Variants in MAN2B1 observed in about 807,000 individuals in gnomAD.
The protein encoded by MAN2B1 is mannosidase alpha class 2B member 1.
Under a neutral mutation model 127.5 loss-of-function variants are expected in MAN2B1, and 99 were observed. The observed-to-expected ratio is 0.78, with a 90% confidence interval of 0.66 to 0.92. The LOEUF is 0.92. MAN2B1 is among the 40% of genes least tolerant of loss of function. The pLI is 0.00. For missense variants in MAN2B1, 1,304 were observed against 1,384.8 expected (o/e 0.94, Z 0.93); for synonymous variants, 573 against 568.8 (o/e 1.01, Z -0.11).
intron 5 of MAN2B1, 107 bp from the exon 6 acceptor site, chr19:12,663,569 G>A: frequency 5.1e-6 from 8 of 1,558,706 alleles, no homozygotes; most frequent in Non-Finnish European, 7.0e-6. Context: ...GTGTCCCAAT[G>A]CAAAAGGAAA....
chr19:12,660,514 T>C (rs547939563), intron 7 of MAN2B1, among the ~76,000 whole-genome samples: 1 of 151,734 alleles, frequency 6.6e-6, no homozygotes, highest in Non-Finnish European at 1.5e-5. Flanking sequence ...AGTAAATAAA[T>C]AAAATGTGGA....
At chr19:12,665,294 A>G in intron 3 of MAN2B1, 58 bp downstream of exon 3, 15 of 1,585,788 alleles carry the variant, frequency 9.5e-6, no homozygotes, top group Non-Finnish European at 1.3e-5. Flanking sequence ...GAAACCAGAG[A>G]TGCAGAAGCA....
At chr19:12,650,347 C>T (rs1044405630) in intron 16 of MAN2B1, 125 bp from the exon 17 acceptor site, 31 of 679,528 alleles carry the variant, frequency 4.6e-5, no homozygotes, top group Admixed American at 2.6e-4. Context: ...TCAGTCACCG[C>T]CACATAATTC....
chr19:12,656,356 CAAAAAA>C, intron 13 of MAN2B1: 2 of 389,612 alleles, frequency 5.1e-6, no homozygotes, highest in South Asian at 2.7e-5. Flanking sequence ...GACTCCGTCT[CAAAAAA>C]AAAAAAAAAA....
Position 12,664,813 on chromosome 19 carries a change from C to A in MAN2B1, c.609G>T (p.Glu203Asp), listed in dbSNP as rs139290127. The change falls in exon 4 of 24, where the codon GAG (glutamate) becomes GAT (aspartate). Residue 203 changes from glutamate to aspartate, a missense_variant. Transcript: ENST00000456935. ...WHIDPFGHSR[E>D]QASLFAQMGF... ...GCACCTGCGCAAACAGCGAGGCCTG[C>A]TCCCGAGAGTGGCCGAAGGGGTCAA... 433 of 1,613,524 alleles carry A rather than the reference C, an allele frequency of 2.7e-4. 2 individuals carry two copies. The African/African-American group carries it at 5.2e-3, about 19-fold the overall frequency.
intron 13 of MAN2B1, 122 bp downstream of exon 13, chr19:12,656,449 G>C (rs142687027): frequency 9.8e-5 from 72 of 735,830 alleles, no homozygotes; most frequent in African/African-American, 2.7e-4. Flanking sequence ...GATACAAGAG[G>C]GGGGAAGAGA....
Position 12,661,363 on chromosome 19 carries a change from C to G in MAN2B1, c.923G>C (p.Arg308Pro), listed in dbSNP as rs766861806. The G allele has an allele frequency of 6.2e-7, 1 of 1,611,168 alleles. No individual in the cohort carries two copies. The highest frequency in any genetic ancestry group is 8.5e-7 in the Non-Finnish European group (1 of 1,177,394). ...CATGGTCATCACAGTGTGGTTGGTG[C>G]GGTAATACCGGCCCTGCAGGCAAGA... ...NVATAQGRYYRTNHTVMTMGS... is the reference protein window; with the variant it reads ...NVATAQGRYYPTNHTVMTMGS... The change falls in exon 7 of 24, where the codon CGC becomes CCC. Residue 308 changes from arginine (R) to proline (P), a missense_variant. Transcript: ENST00000456935.
At chr19:12,655,581 T>C (rs1322482791) in intron 14 of MAN2B1, 113 bp downstream of exon 14, 2 of 1,053,396 alleles carry the variant, frequency 1.9e-6, no homozygotes, top group African/African-American at 3.2e-5. Context: ...ATGAGGGGAG[T>C]TGTGACAGGA....
chr19:12,657,303 C>A, intron 11 of MAN2B1, 143 bp downstream of exon 11: 1 of 627,096 alleles, frequency 1.6e-6, no homozygotes, highest in Non-Finnish European at 2.8e-6. Context: ...CCGCCTCCTA[C>A]AAGCCCCGCC....
rs1376701673 is a variant in MAN2B1, at chr19:12,655,865, G to A, written c.1659C>T (p.Pro553=). The A allele has an allele frequency of 1.9e-6, 3 of 1,613,752 alleles. No individual in the cohort carries two copies. In the South Asian group the frequency reaches 3.3e-5, roughly 18 times the overall value. ...GAGGGTGCGCCTGGCTGTCTGAGCT[G>A]GGAAATATTACCACCTCGGATAAAG... is the stretch of plus-strand genomic sequence containing the variant. ...RTVPSDVVIF[P]SSDSQAHPPE... is the part of the protein sequence containing the mutation. Residue 553 remains proline (P), a synonymous_variant, in exon 14 of 24, where the codon CCC becomes CCT. Transcript: ENST00000456935.
At chr19:12,651,156 C>T (rs375373423) in intron 16 of MAN2B1, among the ~76,000 whole-genome samples, 136 of 152,218 alleles carry the variant, frequency 8.9e-4, no homozygotes, top group African/African-American at 2.7e-3. Flanking sequence ...GTGGCATAAA[C>T]GCCTCCTGTT....
At chr19:12,655,966 G>T in intron 13 of MAN2B1, 87 bp from the exon 14 acceptor site, 1 of 1,061,822 alleles carries the variant, frequency 9.4e-7, no homozygotes, top group Admixed American at 1.9e-5. Context: ...GGAAGGAAAA[G>T]AGTCCTGAGA....
chr19:12,652,037 G>A (rs1462933273), intron 16 of MAN2B1, 116 bp downstream of exon 16: 1 of 821,872 alleles, frequency 1.2e-6, no homozygotes, highest in African/African-American at 1.7e-5. Context: ...TTAGCCCACT[G>A]ATCTGAAGGA....
At chr19:12,658,018 CA>C in intron 10 of MAN2B1, 44 bp downstream of exon 10, 1 of 1,523,588 alleles carries the variant, frequency 6.6e-7, no homozygotes, top group Non-Finnish European at 9.1e-7. Context: ...GGGTGGTTTC[CA>C]ACTTCAGCCG....
chr19:12,655,649 AAATT>A (rs2023935906), intron 14 of MAN2B1, 41 bp downstream of exon 14: 1 of 1,584,618 alleles, frequency 6.3e-7, no homozygotes, highest in Non-Finnish European at 8.6e-7. Context: ...ATGACACTTC[AAATT>A]TGTCACAGGA....
At chr19:12,658,862 ACTT>A (rs2024037469) in intron 7 of MAN2B1, 1 of 344,626 alleles carries the variant, frequency 2.9e-6, no homozygotes, top group South Asian at 2.4e-5. Context: ...AAAAAACACA[ACTT>A]TTTTTTTTTG....
intron 18 of MAN2B1, 122 bp from the exon 19 acceptor site, chr19:12,649,550 C>G (rs1251974706): frequency 6.1e-6 from 4 of 658,098 alleles, no homozygotes; most frequent in Admixed American, 2.8e-5. Flanking sequence ...GGCGCGATCT[C>G]GGCTCACTGC....
intron 14 of MAN2B1, 42 bp from the exon 15 acceptor site, chr19:12,652,502 T>C (rs776331614): frequency 2.2e-6 from 3 of 1,334,524 alleles, no homozygotes; most frequent in Non-Finnish European, 3.2e-6. Context: ...TGTGTGTATG[T>C]GTGTGTGTTT....
Position 12,657,464 on chromosome 19 carries a change from T to A in MAN2B1, c.1401A>T (p.Ala467=). 6.4e-7 allele frequency: 1 copy of A among 1,556,822 alleles called. No individual in the cohort carries two copies. Among genetic ancestry groups the A allele is most frequent in the Non-Finnish European group, 8.7e-7 (1 of 1,151,262 alleles). The part of the protein sequence containing the change: ...VANDYARQLA[A]GWGPCEVLLS... ...CGCGCACCTCGCAAGGCCCCCAGCC[T>A]GCCGCAAGCTGGCGCGCGTAGTCGT... The change falls in exon 11 of 24, where the codon GCA becomes GCT. Residue 467 remains alanine (A), a synonymous_variant. Coordinates refer to ENST00000456935, the MANE Select transcript of MAN2B1 (RefSeq NM_000528.4).
Sources: gnomAD v4.1 joint callset for allele counts (sites outside exome capture counted in the v4.1 genomes callset) on GRCh38, gnomAD v4.1.1 for gene constraint, MANE v1.5 for transcripts, NCBI Gene and HGNC (gene_info 2026-07-23, HGNC 2026-07-21) for gene names.